OR1L8: variants seen among roughly 807,000 people sequenced by gnomAD.
OR1L8 encodes olfactory receptor family 1 subfamily L member 8, also known as olfactory receptor 1L8.
For missense variants in OR1L8, 330 were observed against 377.4 expected, an observed-to-expected ratio of 0.87 and a Z score of 1.04; for synonymous variants, 148 against 147.0, an observed-to-expected ratio of 1.01 and a Z score of -0.05.
At chr9:122,574,557 T>C (rs942178315) in intron 3 of OR1L8, among the ~76,000 whole-genome samples, 1 of 152,196 alleles carries the variant, frequency 6.6e-6, no homozygotes, top group Non-Finnish European at 1.5e-5. Context: ...GCACTCTTGC[T>C]GTAATTGCTT....
At chr9:122,580,281 C>G (rs754168127) in intron 1 of OR1L8, among the ~76,000 whole-genome samples, 20 of 152,144 alleles carry the variant, frequency 1.3e-4, no homozygotes, top group Non-Finnish European at 2.4e-4. Flanking sequence ...CCAACTAATT[C>G]ATATTGAGGA....
At chr9:122,553,367 C>G in the OR1L8 span, 2 of 1,614,058 alleles carry the variant, frequency 1.2e-6, no homozygotes, top group Non-Finnish European at 1.7e-6. Flanking sequence ...TCCTGGCCAT[C>G]AGCTCTGACC....
chr9:122,551,258 C>T, the OR1L8 span, among the ~76,000 whole-genome samples: 1 of 152,152 alleles, frequency 6.6e-6, no homozygotes, highest in Non-Finnish European at 1.5e-5. Flanking sequence ...AGCATGTACT[C>T]CAGAGTCATT....
downstream of OR1L8, among the ~76,000 whole-genome samples, chr9:122,565,820 T>G (rs1247098558): frequency 6.6e-6 from 1 of 152,216 alleles, no homozygotes; most frequent in African/African-American, 2.4e-5. Flanking sequence ...CTAAGAACTG[T>G]TTGCCTAGTA....
intron 3 of OR1L8, among the ~76,000 whole-genome samples, chr9:122,575,971 A>G (rs1829647203): frequency 6.6e-6 from 1 of 152,048 alleles, no homozygotes; most frequent in Non-Finnish European, 1.5e-5. Context: ...TCACATATAC[A>G]TGAGAGTGTG....
At chr9:122,571,411 A>T (rs10120535) in intron 4 of OR1L8, among the ~76,000 whole-genome samples, 8 of 151,998 alleles carry the variant, frequency 5.3e-5, no homozygotes, top group African/African-American at 1.9e-4. Flanking sequence ...TTAGCCAGGC[A>T]TGGTGGCGGG....
intron 1 of OR1L8, among the ~76,000 whole-genome samples, chr9:122,582,802 A>AAGTT: frequency 6.6e-6 from 1 of 152,258 alleles, no homozygotes; most frequent in African/African-American, 2.4e-5. Context: ...GAGACTAAAA[A>AAGTT]AGTTAGTAGC....
chr9:122,547,024 G>A, the OR1L8 span, among the ~76,000 whole-genome samples: 1 of 151,998 alleles, frequency 6.6e-6, no homozygotes, highest in Non-Finnish European at 1.5e-5. Context: ...TCATCCTACA[G>A]TGGTATAGAA....
the OR1L8 span, among the ~76,000 whole-genome samples, chr9:122,558,620 C>T: frequency 6.6e-6 from 1 of 151,320 alleles, no homozygotes; most frequent in African/African-American, 2.4e-5. Context: ...ATTAGTTTTC[C>T]CATTGGGAAG....
Position 122,567,704 on chromosome 9 carries a change from A to C in OR1L8, c.774T>G (p.Cys258Trp). The C allele has an allele frequency of 6.2e-7, 1 of 1,614,068 alleles. No homozygotes were observed. The highest frequency in any genetic ancestry group is 8.5e-7 in the Non-Finnish European group (1 of 1,180,008). Residue 258 changes from cysteine to tryptophan, a missense_variant, in exon 5 of 5, where the codon TGT becomes TGG. By Grantham distance (215) the Cys-to-Trp change is radical. Transcript: ENST00000641027. ...VVTLFYGSIF[C>W]VYLQPPSTYA... ...AGGTGGATGGGGGCTGTAAATAGAC[A>C]CAGAAGATGCTTCCATAAAAGAGCG... is the stretch of plus-strand genomic sequence containing the variant.
At chr9:122,569,001 C>T (rs1363174043) in intron 4 of OR1L8, among the ~76,000 whole-genome samples, 1 of 152,072 alleles carries the variant, frequency 6.6e-6, no homozygotes, top group Non-Finnish European at 1.5e-5. Flanking sequence ...GACACTCTTT[C>T]CCTATCAAAG....
chr9:122,568,934 G>T (rs2118715476), intron 4 of OR1L8, among the ~76,000 whole-genome samples: 1 of 152,188 alleles, frequency 6.6e-6, no homozygotes, highest in Admixed American at 6.5e-5. Flanking sequence ...AATAGTATTA[G>T]AAGATGGAGG....
chr9:122,558,198 G>T, the OR1L8 span, among the ~76,000 whole-genome samples: 1 of 99,974 alleles, frequency 1.0e-5, no homozygotes. Flanking sequence ...ATGTCCTATT[G>T]TCCTATTTTC....
chr9:122,580,007 G>A (rs1360888433), intron 1 of OR1L8, among the ~76,000 whole-genome samples: 2 of 152,080 alleles, frequency 1.3e-5, no homozygotes, highest in South Asian at 2.1e-4. Context: ...AGAGCTTATC[G>A]GTGCAACTGC....
the OR1L8 span, among the ~76,000 whole-genome samples, chr9:122,557,491 G>A: frequency 1.3e-5 from 2 of 151,902 alleles, no homozygotes; most frequent in African/African-American, 4.8e-5. Context: ...TTAGTCTATT[G>A]ATGTGATCAA....
chr9:122,547,779 T>C, the OR1L8 span, among the ~76,000 whole-genome samples: 3 of 152,282 alleles, frequency 2.0e-5, no homozygotes, highest in East Asian at 3.9e-4. Flanking sequence ...CTTTTTGATA[T>C]AGCAATTTCT....
At chr9:122,574,754 C>T (rs1405394197) in intron 3 of OR1L8, among the ~76,000 whole-genome samples, 6 of 152,026 alleles carry the variant, frequency 3.9e-5, no homozygotes, top group African/African-American at 9.7e-5. Context: ...AGGGAGCATT[C>T]TTATCTTGTT....
chr9:122,552,827 CA>C, the OR1L8 span, among the ~76,000 whole-genome samples: 1 of 145,782 alleles, frequency 6.9e-6, no homozygotes, highest in Non-Finnish European at 1.5e-5. Context: ...TGATGGAGAT[CA>C]TGCATCTTCT....
At chr9:122,553,427 T>G in the OR1L8 span, 1 of 1,614,196 alleles carries the variant, frequency 6.2e-7, no homozygotes, top group South Asian at 1.1e-5. Flanking sequence ...TGTCATTAAC[T>G]GATGCCTGTT....
Sources: gnomAD v4.1 joint callset for allele counts (sites outside exome capture counted in the v4.1 genomes callset) on GRCh38, gnomAD v4.1.1 for gene constraint, MANE v1.5 for transcripts, NCBI Gene and HGNC (gene_info 2026-07-23, HGNC 2026-07-21) for gene names.